Variants in CCSER1 observed in about 807,000 individuals in gnomAD.
CCSER1 encodes the protein serine-rich coiled-coil domain-containing protein 1.
Under a neutral mutation model 82.0 loss-of-function variants are expected in CCSER1, and 41 were observed. The ratio of observed to expected loss-of-function variants is 0.50; its 90% CI spans 0.39 to 0.65. CCSER1 has a LOEUF of 0.65. CCSER1 is among the 30% of genes least tolerant of loss of function. The pLI is 0.00. For missense variants in CCSER1, 1,119 were observed against 1,064.2 expected (o/e 1.05, Z -0.72); for synonymous variants, 414 against 383.9 (o/e 1.08, Z -0.92).
At chr4:90,325,712 G>A (rs772631331) in intron 3 of CCSER1, 2 of 411,708 alleles carry the variant, frequency 4.9e-6, no homozygotes, top group South Asian at 3.5e-5. Context: ...TCTGAGGTTT[G>A]TACATTATTC....
chr4:90,922,956 C>G lies in CCSER1; in HGVS notation c.2095-414C>G, dbSNP rs188240880. ...AAGAAGAAGCATGACAAAATTAAAA[C>G]AAACTGAATAGAATCCATTGGGTCT... On this transcript the variant is annotated intron_variant, in intron 8 of 10. Transcript: ENST00000509176. 6.5e-4 allele frequency among the ~76,000 whole-genome samples: 99 copies of G among 152,186 alleles called. 1 individual carries two copies. The highest frequency in any genetic ancestry group is 2.2e-3 in the African/African-American group (91 of 41,554).
chr4:90,149,584 G>A (rs2153348931), intron 1 of CCSER1, among the ~76,000 whole-genome samples: 1 of 152,166 alleles, frequency 6.6e-6, no homozygotes, highest in East Asian at 1.9e-4. Context: ...CTTTGAGAAA[G>A]GGAAAGCAAG....
At chr4:90,525,434 A>G (rs1773630740) in intron 5 of CCSER1, among the ~76,000 whole-genome samples, 1 of 152,278 alleles carries the variant, frequency 6.6e-6, no homozygotes, top group South Asian at 2.1e-4. Flanking sequence ...GATTTTAACA[A>G]TTCTGTATAC....
At chr4:90,507,347 G>T (rs977307745) in intron 5 of CCSER1, among the ~76,000 whole-genome samples, 1 of 150,204 alleles carries the variant, frequency 6.7e-6, no homozygotes, top group Non-Finnish European at 1.5e-5. Context: ...AGAGAAAGGA[G>T]AAAATAATAA....
intron 10 of CCSER1, among the ~76,000 whole-genome samples, chr4:91,284,352 T>G (rs1430149057): frequency 1.3e-5 from 2 of 151,742 alleles, no homozygotes; most frequent in Non-Finnish European, 2.9e-5. Flanking sequence ...ACAATGTTGG[T>G]TTTTTTTCCC....
intron 4 of CCSER1, among the ~76,000 whole-genome samples, chr4:90,414,010 A>ATC (rs1491499594): frequency 1.7e-4 from 20 of 115,300 alleles, no homozygotes; most frequent in Non-Finnish European, 1.8e-4. Flanking sequence ...ATATATATAT[A>ATC]TCTTCTTCCT....
intron 4 of CCSER1, among the ~76,000 whole-genome samples, chr4:90,414,492 A>G (rs1176801215): frequency 6.6e-6 from 1 of 152,158 alleles, no homozygotes; most frequent in Non-Finnish European, 1.5e-5. Context: ...TAAAGCATAT[A>G]TGATCAAGCA....
chr4:90,728,801 A>G (rs912715741), intron 7 of CCSER1, among the ~76,000 whole-genome samples: 2 of 152,200 alleles, frequency 1.3e-5, no homozygotes, highest in African/African-American at 2.4e-5. Context: ...TTTGCTCCCT[A>G]TTGTATAAAA....
rs1379244833 is a variant in CCSER1 at position 91,602,327 on chromosome 4, G to A, written c.*3270G>A. 6.6e-6 allele frequency among the ~76,000 whole-genome samples: 1 copy of A among 151,722 alleles called. No homozygotes were observed. Among genetic ancestry groups the A allele is most frequent in the African/African-American group, 2.4e-5 (1 of 41,322 alleles). ...TTCCACATTTTGTTTTGTTTTCTTTGTCTTGTTTAATAGAGATAATAACCA... is the reference window on the plus strand; with the variant it reads ...TTCCACATTTTGTTTTGTTTTCTTTATCTTGTTTAATAGAGATAATAACCA... On this transcript the variant is annotated 3_prime_UTR_variant, in exon 11 of 11. Coordinates refer to ENST00000509176, the MANE Select transcript of CCSER1 (RefSeq NM_001145065.2).
chr4:91,288,724 C>G (rs1181183576), intron 10 of CCSER1, among the ~76,000 whole-genome samples: 3 of 151,988 alleles, frequency 2.0e-5, no homozygotes, highest in Admixed American at 6.6e-5. Context: ...AACACAGTCA[C>G]TCTTAGGACC....
chr4:90,765,326 G>A (rs753984119), intron 7 of CCSER1, among the ~76,000 whole-genome samples: 5 of 152,050 alleles, frequency 3.3e-5, no homozygotes, highest in African/African-American at 4.8e-5. Flanking sequence ...ACTTATTAAC[G>A]ATGCATATAT....
chr4:90,651,483 G>A (rs1297072425), intron 6 of CCSER1, among the ~76,000 whole-genome samples: 7 of 152,102 alleles, frequency 4.6e-5, no homozygotes, highest in Admixed American at 4.6e-4. Flanking sequence ...AGTAGGAGTT[G>A]AACAATGAGA....
intron 8 of CCSER1, among the ~76,000 whole-genome samples, chr4:90,856,521 T>C (rs1037153856): frequency 9.2e-5 from 14 of 152,112 alleles, no homozygotes; most frequent in Admixed American, 7.2e-4. Flanking sequence ...TCTGATAAAT[T>C]AATCCATTCC....
chr4:90,850,234 C>T (rs1763716162), intron 8 of CCSER1, among the ~76,000 whole-genome samples: 1 of 152,208 alleles, frequency 6.6e-6, no homozygotes, highest in South Asian at 2.1e-4. Flanking sequence ...GATGTCTAGG[C>T]AGAGTCTGCT....
intron 9 of CCSER1, among the ~76,000 whole-genome samples, chr4:91,033,156 C>T (rs746171645): frequency 3.9e-5 from 6 of 152,018 alleles, no homozygotes; most frequent in South Asian, 4.1e-4. Flanking sequence ...GGTCCTGGCA[C>T]GAAATAGAAT....
At chr4:91,286,500 T>C (rs1743287501) in intron 10 of CCSER1, among the ~76,000 whole-genome samples, 1 of 151,762 alleles carries the variant, frequency 6.6e-6, no homozygotes, top group Non-Finnish European at 1.5e-5. Flanking sequence ...TTCCGATGGG[T>C]TTATGTTTTA....
At chr4:90,165,558 A>G (rs1043903796) in intron 1 of CCSER1, among the ~76,000 whole-genome samples, 2 of 152,054 alleles carry the variant, frequency 1.3e-5, no homozygotes, top group African/African-American at 4.8e-5. Flanking sequence ...GCAGTGTGTT[A>G]GTTTTCATAG....
At chr4:91,531,489 C>G (rs1376142473) in intron 10 of CCSER1, among the ~76,000 whole-genome samples, 3 of 152,138 alleles carry the variant, frequency 2.0e-5, no homozygotes, top group Non-Finnish European at 2.9e-5. Flanking sequence ...AATTACAACA[C>G]AAACTTACTA....
At chr4:90,627,306 C>A (rs1391564734) in intron 5 of CCSER1, among the ~76,000 whole-genome samples, 6 of 151,874 alleles carry the variant, frequency 4.0e-5, no homozygotes, top group Non-Finnish European at 8.8e-5. Flanking sequence ...ATTTTCTTAT[C>A]TGTATTATTG....
Sources: gnomAD v4.1 joint callset for allele counts (sites outside exome capture counted in the v4.1 genomes callset) on GRCh38, gnomAD v4.1.1 for gene constraint, MANE v1.5 for transcripts, NCBI Gene and HGNC (gene_info 2026-07-23, HGNC 2026-07-21) for gene names.